The following EBPL variants were observed in gnomAD, a reference collection of about 807,000 sequenced individuals.
EBPL encodes EBP like, also known as emopamil-binding protein-like.
A neutral mutation model predicts 19.0 loss-of-function variants in EBPL; 20 were observed. The observed-to-expected ratio is 1.05, with a 90% confidence interval of 0.74 to 1.53. The LOEUF (loss-of-function observed/expected upper bound fraction) is 1.53, where lower values mean the gene tolerates loss of function less well. Ranked by LOEUF, EBPL falls within the 40% of genes most tolerant of loss-of-function variation. The pLI, the probability that EBPL is intolerant of heterozygous loss-of-function variation, is 0.00. For missense variants in EBPL, 219 were observed against 261.1 expected, an observed-to-expected ratio of 0.84 and a Z score of 1.11; for synonymous variants, 107 against 117.0, an observed-to-expected ratio of 0.91 and a Z score of 0.55.
At chr13:49,669,932 A>C in intron 1 of EBPL, 86 bp from the exon 2 acceptor site, 3 of 1,018,676 alleles carry the variant, frequency 2.9e-6, no homozygotes, top group Non-Finnish European at 4.6e-6. Context: ...GCCTGGCTCC[A>C]TCCCCCACCC....
At chr13:49,670,773 A>G (rs1373852790) in intron 1 of EBPL, among the ~76,000 whole-genome samples, 1 of 152,190 alleles carries the variant, frequency 6.6e-6, no homozygotes, top group East Asian at 1.9e-4. Context: ...ACTTAAGTAA[A>G]AAAACTGAAA....
At chr13:49,662,003 T>C in intron 3 of EBPL, 1 of 1,219,710 alleles carries the variant, frequency 8.2e-7, no homozygotes. Flanking sequence ...TTTTTCATCC[T>C]TTTTTTTTGA....
At chr13:49,679,280 G>A (rs1159736942) in intron 1 of EBPL, among the ~76,000 whole-genome samples, 2 of 152,132 alleles carry the variant, frequency 1.3e-5, no homozygotes, top group Non-Finnish European at 2.9e-5. Context: ...AACATGGAAG[G>A]TTATCAGCTC....
intron 3 of EBPL, 62 bp downstream of exon 3, chr13:49,662,995 C>A: frequency 6.3e-7 from 1 of 1,598,896 alleles, no homozygotes; most frequent in Non-Finnish European, 8.5e-7. Flanking sequence ...CCAAAGGTCA[C>A]CTAAGTGTTG....
At chr13:49,669,043 C>G (rs540958307) in intron 2 of EBPL, among the ~76,000 whole-genome samples, 2 of 152,002 alleles carry the variant, frequency 1.3e-5, no homozygotes, top group East Asian at 3.9e-4. Context: ...CCACGCCCAG[C>G]CAATTTTTTA....
At chr13:49,684,660 A>T (rs186989091) in intron 1 of EBPL, among the ~76,000 whole-genome samples, 2,164 of 152,328 alleles carry the variant, frequency 0.014, 21 homozygotes, top group Non-Finnish European at 0.024. Flanking sequence ...GGGCGAACAG[A>T]GTGAGACTGT....
In EBPL at chr13:49,663,094, A is replaced by G. The variant is rs763760311; in HGVS notation, c.343T>C (p.Phe115Leu). Residue 115 changes from phenylalanine (F) to leucine (L), a missense_variant, in exon 3 of 4, where the codon TTC becomes CTC. Physicochemically the swap from Phe to Leu is conservative, Grantham distance 22. Coordinates refer to ENST00000242827, the MANE Select transcript of EBPL (RefSeq NM_032565.5). Reference protein sequence around the residue: ...TVALDGSLALFLIYAIVKEKY... With the variant: ...TVALDGSLALLLIYAIVKEKY... ...TCTTTGACTATGGCATAAATGAGGA[A>G]CAATGCCAGAGACCCATCCAGGGCG... 6.2e-7 allele frequency: 1 copy of G among 1,614,198 alleles called. No individual in the cohort carries two copies. Among genetic ancestry groups the G allele is most frequent in the Non-Finnish European group, 8.5e-7 (1 of 1,180,034 alleles).
At chr13:49,681,869 A>G (rs1207231199) in intron 1 of EBPL, among the ~76,000 whole-genome samples, 3 of 152,230 alleles carry the variant, frequency 2.0e-5, no homozygotes, top group Non-Finnish European at 4.4e-5. Context: ...AAACATGGCA[A>G]CATTCACTTT....
intron 2 of EBPL, among the ~76,000 whole-genome samples, chr13:49,665,231 C>G (rs1445060078): frequency 1.3e-5 from 2 of 151,804 alleles, no homozygotes; most frequent in Non-Finnish European, 2.9e-5. Context: ...CAGCCTCAGC[C>G]TCCCAAATAG....
chr13:49,665,715 CTTT>C (rs35993290), intron 2 of EBPL, among the ~76,000 whole-genome samples: 3 of 146,984 alleles, frequency 2.0e-5, no homozygotes, highest in South Asian at 2.2e-4. Flanking sequence ...TTCAACAAGT[CTTT>C]TTTTTTTTTT....
chr13:49,672,551 G>A (rs1953829049), intron 1 of EBPL, among the ~76,000 whole-genome samples: 1 of 151,836 alleles, frequency 6.6e-6, no homozygotes, highest in African/African-American at 2.4e-5. Context: ...AAAAGAGTAA[G>A]AAATAAAAGG....
At chr13:49,661,517 A>T (rs1353428712) in intron 3 of EBPL, among the ~76,000 whole-genome samples, 2 of 152,178 alleles carry the variant, frequency 1.3e-5, no homozygotes, top group African/African-American at 4.8e-5. Flanking sequence ...TAACACAGAG[A>T]GGCCTGACTC....
intron 1 of EBPL, among the ~76,000 whole-genome samples, chr13:49,674,812 C>A (rs984957436): frequency 2.6e-5 from 4 of 152,242 alleles, no homozygotes; most frequent in Non-Finnish European, 2.9e-5. Context: ...TGGTGTGAGG[C>A]CCGTGGGTCC....
rs546185623 is a variant in EBPL, at chr13:49,672,192, T to C, written c.172-2346A>G. 3.9e-5 allele frequency among the ~76,000 whole-genome samples: 6 copies of C among 152,336 alleles called. No homozygotes were observed. In the South Asian group the frequency reaches 8.3e-4, roughly 21 times the overall value. Reference sequence around the variant, plus strand: ...AGAAACATGACATTTGTGTTCCGTGTTTGCTAACCTTGAATTAAGTTCATA... The same window carrying C: ...AGAAACATGACATTTGTGTTCCGTGCTTGCTAACCTTGAATTAAGTTCATA... On this transcript the variant is annotated intron_variant, in intron 1 of 3. Coordinates refer to ENST00000242827, the MANE Select transcript of EBPL (RefSeq NM_032565.5).
rs374557664 is a variant in EBPL, at chr13:49,664,563, T to A, written c.242-1368A>T. Among the ~76,000 whole-genome samples the A allele has an allele frequency of 1.2e-4, 18 of 152,212 alleles. No homozygotes were observed. In the East Asian group the frequency reaches 3.5e-3, roughly 29 times the overall value. ...GTATTATGGAGGCCATTAAAAATTATTTAATTACTTTCTTAATTTGTAAAA... is the reference window on the plus strand; with the variant it reads ...GTATTATGGAGGCCATTAAAAATTAATTAATTACTTTCTTAATTTGTAAAA... On this transcript the variant is annotated intron_variant, in intron 2 of 3. Coordinates refer to ENST00000242827, the MANE Select transcript of EBPL (RefSeq NM_032565.5).
intron 1 of EBPL, among the ~76,000 whole-genome samples, chr13:49,685,931 T>A (rs1953992270): frequency 6.6e-6 from 1 of 150,632 alleles, no homozygotes; most frequent in Admixed American, 6.6e-5. Flanking sequence ...GAACAGACGG[T>A]GATGTGAACT....
At chr13:49,677,086 G>T (rs1237355138) in intron 1 of EBPL, among the ~76,000 whole-genome samples, 2 of 152,142 alleles carry the variant, frequency 1.3e-5, no homozygotes, top group African/African-American at 4.8e-5. Context: ...CTAAATAGCA[G>T]GTCATCCTTT....
intron 3 of EBPL, chr13:49,661,652 A>T: frequency 1.2e-6 from 1 of 816,364 alleles, no homozygotes; most frequent in African/African-American, 1.9e-5. Flanking sequence ...AAAAGGCTCA[A>T]TAATGCAAAT....
At chr13:49,680,931 C>G (rs1395631137) in intron 1 of EBPL, among the ~76,000 whole-genome samples, 4 of 152,164 alleles carry the variant, frequency 2.6e-5, no homozygotes, top group Non-Finnish European at 5.9e-5. Flanking sequence ...CTCTCTCCCT[C>G]CTGACTCCCA....
Sources: allele counts gnomAD v4.1 joint callset (sites outside exome capture counted in the v4.1 genomes callset), GRCh38; gene constraint gnomAD v4.1.1; transcripts MANE v1.5; gene names NCBI Gene and HGNC (gene_info 2026-07-23, HGNC 2026-07-21).